The following TBC1D17 variants were observed in gnomAD, a reference collection of about 807,000 sequenced individuals.
The protein encoded by TBC1D17 is TBC1 domain family member 17, also known as TBC1 domain family, member 17.
In TBC1D17, 69 loss-of-function variants were observed where a neutral mutation model predicts 78.8. The ratio of observed to expected loss-of-function variants is 0.88; its 90% CI spans 0.72 to 1.07. The LOEUF (loss-of-function observed/expected upper bound fraction) is 1.07, where lower values mean the gene tolerates loss of function less well. TBC1D17 is among the 50% of genes least tolerant of loss of function. The probability of loss-of-function intolerance (pLI) is 0.00; values close to 1 mark genes in which losing one functional copy is unlikely to be tolerated. For missense variants in TBC1D17, 957 were observed against 861.0 expected (o/e 1.11, Z -1.39); for synonymous variants, 456 against 358.3 (o/e 1.27, Z -3.08).
At chr19:49,877,888 C>A in intron 1 of TBC1D17, 144 bp downstream of exon 1, 1 of 1,028,576 alleles carries the variant, frequency 9.7e-7, no homozygotes, top group Non-Finnish European at 1.4e-6. Flanking sequence ...CGTCACCCTC[C>A]CGTCCACCGC....
At chr19:49,884,889 A>C in intron 13 of TBC1D17, 131 bp downstream of exon 13, 1 of 786,198 alleles carries the variant, frequency 1.3e-6, no homozygotes, top group Non-Finnish European at 2.1e-6. Context: ...CACACAACCT[A>C]GAATGTAGAG....
In TBC1D17 at chr19:49,882,861, TC is replaced by T; in HGVS notation, c.899del (p.Pro300LeufsTer3). 6.2e-7 allele frequency: 1 copy of T among 1,609,974 alleles called. No individual in the cohort carries two copies. Among genetic ancestry groups the T allele is most frequent in the Non-Finnish European group, 8.5e-7 (1 of 1,178,788 alleles). On this transcript the variant is annotated frameshift_variant, in exon 8 of 17. Coordinates refer to ENST00000221543, the MANE Select transcript of TBC1D17 (RefSeq NM_024682.3). LOFTEE classifies it high-confidence loss of function. ...GGCCCTGAAGGTCGCCTGCAGCAGG[TC>T]CCTGAGCTGAAGAACCGGATCTTCT... The part of the protein sequence containing the change: ...HVGPEGRLQQ[V>X]PELKNRIFSG...
intron 4 of TBC1D17, 33 bp from the exon 5 acceptor site, chr19:49,881,235 C>G: frequency 6.3e-7 from 1 of 1,583,448 alleles, no homozygotes; most frequent in South Asian, 1.1e-5. Flanking sequence ...TGGCTTCCCA[C>G]GCGCTTCCCC....
chr19:49,887,209 G>T (rs1001515127), intron 13 of TBC1D17: 31 of 475,712 alleles, frequency 6.5e-5, no homozygotes, highest in Non-Finnish European at 1.2e-4. Context: ...GCGGGCAGAG[G>T]TCTGTTTCGT....
chr19:49,882,094 T>G lies in TBC1D17; in HGVS notation c.581T>G (p.Leu194Arg). The G allele has an allele frequency of 6.2e-7, 1 of 1,614,124 alleles. No individual in the cohort carries two copies. Among genetic ancestry groups the G allele is most frequent in the Non-Finnish European group, 8.5e-7 (1 of 1,180,012 alleles). ...YLVFPHDSSA[L>R]SNSFHHLQLF... Reference sequence around the variant, plus strand: ...GTCTTCCCCCACGACTCCTCTGCTCTCTCCAACTCCTTCCACCACCTGCAG... The same window carrying G: ...GTCTTCCCCCACGACTCCTCTGCTCGCTCCAACTCCTTCCACCACCTGCAG... The change falls in exon 6 of 17, where the codon CTC becomes CGC. Residue 194 changes from leucine (L) to arginine (R), a missense_variant. Transcript: ENST00000221543.
chr19:49,881,061 G>A (rs1266163441), intron 4 of TBC1D17, among the ~76,000 whole-genome samples: 5 of 152,132 alleles, frequency 3.3e-5, no homozygotes, highest in African/African-American at 1.2e-4. Flanking sequence ...GGGTGCCTAG[G>A]AAGGTTCTGG....
chr19:49,880,141 A>C (rs1474865273), intron 3 of TBC1D17, 138 bp from the exon 4 acceptor site: 1 of 1,099,016 alleles, frequency 9.1e-7, no homozygotes, highest in Non-Finnish European at 1.3e-6. Flanking sequence ...TACAGGCGTG[A>C]GCCACCGCAC....
At chr19:49,877,807 C>T in intron 1 of TBC1D17, 63 bp downstream of exon 1, 1 of 1,536,432 alleles carries the variant, frequency 6.5e-7, no homozygotes, top group Non-Finnish European at 8.8e-7. Context: ...TAGTGATCAG[C>T]TCTTCTCTCA....
chr19:49,884,398 G>A lies in TBC1D17; in HGVS notation c.1243+29G>A, dbSNP rs2075041447. The A allele has an allele frequency of 1.9e-6, 3 of 1,613,728 alleles. No individual in the cohort carries two copies. In the African/African-American group the frequency reaches 4.0e-5, roughly 22 times the overall value. On this transcript the variant is annotated intron_variant, in intron 11 of 16. Coordinates refer to ENST00000221543, the MANE Select transcript of TBC1D17 (RefSeq NM_024682.3). ...GGTGCCAGGCCTGGGGACGGGCGTG[G>A]CCGGGGCTGTCCAGGGGAGCGCTGC... is the stretch of plus-strand genomic sequence containing the variant.
At chr19:49,885,449 C>CAAAAAAA (rs71180658) in intron 13 of TBC1D17, 3 of 96,440 alleles carry the variant, frequency 3.1e-5, no homozygotes, top group African/African-American at 1.1e-4. Context: ...AACTCCATCT[C>CAAAAAAA]AAAAAAAAAA....
Position 49,881,429 on chromosome 19 carries a change from A to G in TBC1D17, c.481A>G (p.Thr161Ala). 1 of 1,611,990 alleles carries G rather than the reference A, an allele frequency of 6.2e-7. No individual in the cohort carries two copies. Among genetic ancestry groups the G allele is most frequent in the South Asian group, 1.1e-5 (1 of 91,048 alleles). ...LPALHFHRGG[T>A]RALLRVLSRY... is the part of the protein sequence containing the mutation. ...CGCACTGCACTTCCACCGCGGGGGC[A>G]CCCGCGCCCTGCTCCGCGTCCTCAG... Residue 161 changes from threonine to alanine, a missense_variant, in exon 5 of 17, where the codon ACC becomes GCC. Thr to Ala is a moderately conservative substitution (Grantham distance 58). Transcript: ENST00000221543.
intron 2 of TBC1D17, 118 bp from the exon 3 acceptor site, chr19:49,878,380 G>A: frequency 8.0e-7 from 1 of 1,257,492 alleles, no homozygotes; most frequent in Non-Finnish European, 1.1e-6. Context: ...ACTGGAATGA[G>A]GGGCGGGACT....
At chr19:49,880,560 A>C (rs894228050) in intron 4 of TBC1D17, among the ~76,000 whole-genome samples, 158 bp downstream of exon 4, 2 of 152,252 alleles carry the variant, frequency 1.3e-5, no homozygotes, top group Admixed American at 1.3e-4. Context: ...ATGGGAAGAC[A>C]GGACTGTCCC....
chr19:49,882,096 T>G lies in TBC1D17; in HGVS notation c.583T>G (p.Ser195Ala), dbSNP rs1008818496. 6.2e-7 allele frequency: 1 copy of G among 1,614,102 alleles called. No individual in the cohort carries two copies. Among genetic ancestry groups the G allele is most frequent in the East Asian group, 2.2e-5 (1 of 44,886 alleles). The change falls in exon 6 of 17, where the codon TCC becomes GCC. Residue 195 changes from serine (S) to alanine (A), a missense_variant. Physicochemically the swap from Ser to Ala is moderately conservative, Grantham distance 99 (BLOSUM62 1). Coordinates refer to ENST00000221543, the MANE Select transcript of TBC1D17 (RefSeq NM_024682.3). ...CTTCCCCCACGACTCCTCTGCTCTC[T>G]CCAACTCCTTCCACCACCTGCAGCT... ...LVFPHDSSAL[S>A]NSFHHLQLFD...
intron 7 of TBC1D17, 128 bp downstream of exon 7, chr19:49,882,528 C>A: frequency 7.0e-7 from 1 of 1,423,796 alleles, no homozygotes; most frequent in Non-Finnish European, 9.3e-7. Context: ...TCAGGGGGTG[C>A]ATGAGGAAAG....
chr19:49,883,659 A>G lies in TBC1D17; in HGVS notation c.1040A>G (p.Tyr347Cys). The G allele has an allele frequency of 6.2e-7, 1 of 1,613,912 alleles. No homozygotes were observed. The highest frequency in any genetic ancestry group is 8.5e-7 in the Non-Finnish European group (1 of 1,179,912). Residue 347 changes from tyrosine (Y) to cysteine (C), a missense_variant, in exon 10 of 17, where the codon TAT becomes TGT. Coordinates refer to ENST00000221543, the MANE Select transcript of TBC1D17 (RefSeq NM_024682.3). ...TTCCCTCTGTCACTCAGGGATGAGT[A>G]TTTCCGCATGAAGCTGCAGTGGAAA... ...KAHIRKKTDE[Y>C]FRMKLQWKSV...
At chr19:49,881,607 ATAAC>A in intron 5 of TBC1D17, 132 bp downstream of exon 5, 2 of 897,612 alleles carry the variant, frequency 2.2e-6, no homozygotes, top group Non-Finnish European at 3.3e-6. Flanking sequence ...ACCAGCACAT[ATAAC>A]TAAAAAGTCA....
chr19:49,880,249 CCTTA>C, intron 3 of TBC1D17, 26 bp from the exon 4 acceptor site: 2 of 1,612,790 alleles, frequency 1.2e-6, no homozygotes, highest in South Asian at 1.1e-5. Context: ...ATCCATGGCC[CCTTA>C]CTGTCTGCTC....
At chr19:49,877,947 C>T in intron 1 of TBC1D17, 196 bp from the exon 2 acceptor site, 1 of 736,946 alleles carries the variant, frequency 1.4e-6, no homozygotes, top group South Asian at 1.9e-5. Flanking sequence ...CAGGCGACTC[C>T]TTGAGCCCTG....
Sources: gnomAD v4.1 joint callset for allele counts (sites outside exome capture counted in the v4.1 genomes callset) on GRCh38, gnomAD v4.1.1 for gene constraint, MANE v1.5 for transcripts, NCBI Gene and HGNC (gene_info 2026-07-23, HGNC 2026-07-21) for gene names.